NRG3: variants seen among roughly 807,000 people sequenced by gnomAD.
The protein encoded by NRG3 is neuregulin 3.
Under a neutral mutation model 66.9 loss-of-function variants are expected in NRG3, and 31 were observed. The observed-to-expected ratio is 0.46, with a 90% CI of 0.35 to 0.63. NRG3 has a LOEUF of 0.63. NRG3 is among the 20% of genes least tolerant of loss of function. The pLI is 0.00. For synonymous variants in NRG3, 393 were observed against 359.4 expected, an observed-to-expected ratio of 1.09 and a Z score of -1.06; for missense variants, 910 against 878.9, an observed-to-expected ratio of 1.04 and a Z score of -0.45.
intron 1 of NRG3, among the ~76,000 whole-genome samples, chr10:81,994,539 GCTT>G (rs2060859131): frequency 6.8e-6 from 1 of 146,688 alleles, no homozygotes; most frequent in Non-Finnish European, 1.5e-5. Context: ...GCCTTTAACT[GCTT>G]TTTTTTTTCC....
intron 2 of NRG3, among the ~76,000 whole-genome samples, chr10:82,578,323 A>G (rs2046154035): frequency 8.1e-6 from 1 of 123,408 alleles, no homozygotes; most frequent in Non-Finnish European, 1.8e-5. Flanking sequence ...CTGATCATTG[A>G]TATTTTAGCC....
At chr10:82,047,911 A>T (rs1445703911) in intron 1 of NRG3, among the ~76,000 whole-genome samples, 1 of 152,124 alleles carries the variant, frequency 6.6e-6, no homozygotes, top group African/African-American at 2.4e-5. Context: ...AAGATCTACC[A>T]AGCAAATGGA....
chr10:82,731,138 A>C (rs1170006925), intron 2 of NRG3, among the ~76,000 whole-genome samples: 2 of 152,076 alleles, frequency 1.3e-5, no homozygotes, highest in African/African-American at 4.8e-5. Flanking sequence ...AGGCTGAGGC[A>C]GGCGGATAAC....
intron 1 of NRG3, among the ~76,000 whole-genome samples, chr10:82,314,301 C>G (rs1032719913): frequency 2.0e-5 from 3 of 152,134 alleles, no homozygotes; most frequent in Admixed American, 2.0e-4. Flanking sequence ...ATTCTAACCA[C>G]ATTTCCTCAT....
intron 1 of NRG3, among the ~76,000 whole-genome samples, chr10:82,146,456 A>G (rs997060691): frequency 2.0e-5 from 3 of 151,156 alleles, no homozygotes; most frequent in African/African-American, 7.3e-5. Flanking sequence ...GGGCTCAGTC[A>G]TTCAAGAAGT....
chr10:82,516,516 T>A (rs1045995362), intron 2 of NRG3, among the ~76,000 whole-genome samples: 2 of 152,130 alleles, frequency 1.3e-5, no homozygotes, highest in African/African-American at 4.8e-5. Context: ...AAATAATGCA[T>A]AATGACCTTT....
At chr10:82,804,789 T>C (rs939568423) in intron 3 of NRG3, among the ~76,000 whole-genome samples, 12 of 152,166 alleles carry the variant, frequency 7.9e-5, no homozygotes, top group African/African-American at 2.9e-4. Flanking sequence ...ACGGTCAAAA[T>C]TGACGCTATT....
At chr10:82,626,558 C>G (rs969765026) in intron 2 of NRG3, among the ~76,000 whole-genome samples, 10 of 152,088 alleles carry the variant, frequency 6.6e-5, no homozygotes, top group African/African-American at 2.4e-4. Context: ...GATTTCTTCT[C>G]TTGGGGGTAA....
At chr10:82,543,951 T>A (rs934492483) in intron 2 of NRG3, among the ~76,000 whole-genome samples, 1 of 152,208 alleles carries the variant, frequency 6.6e-6, no homozygotes, top group Non-Finnish European at 1.5e-5. Flanking sequence ...TGAGAAATTG[T>A]CAAGGGAGTC....
intron 1 of NRG3, among the ~76,000 whole-genome samples, chr10:82,240,698 A>G (rs1238123026): frequency 6.6e-6 from 1 of 152,166 alleles, no homozygotes; most frequent in Non-Finnish European, 1.5e-5. Context: ...TGAAAGTTCA[A>G]TAGATTTGGA....
chr10:82,240,860 C>A (rs1284065748), intron 1 of NRG3, among the ~76,000 whole-genome samples: 1 of 151,940 alleles, frequency 6.6e-6, no homozygotes, highest in East Asian at 1.9e-4. Context: ...TTGTGGAGGT[C>A]ATTTTATTTT....
intron 1 of NRG3, among the ~76,000 whole-genome samples, chr10:81,981,445 C>T (rs1254815996): frequency 2.0e-5 from 3 of 152,210 alleles, no homozygotes; most frequent in Non-Finnish European, 2.9e-5. Context: ...GCCCTGCGCT[C>T]CAGGCCCACT....
chr10:82,433,871 G>A (rs1466107049), intron 2 of NRG3, among the ~76,000 whole-genome samples: 1 of 152,160 alleles, frequency 6.6e-6, no homozygotes, highest in African/African-American at 2.4e-5. Context: ...ATAGTTTGAA[G>A]TCAGATAGCA....
At chr10:82,280,867 A>G (rs2079087065) in intron 1 of NRG3, among the ~76,000 whole-genome samples, 1 of 152,198 alleles carries the variant, frequency 6.6e-6, no homozygotes. Flanking sequence ...TCCAATGGCA[A>G]TCCATCCTGT....
chr10:82,154,288 A>G (rs1021860121), intron 1 of NRG3, among the ~76,000 whole-genome samples: 1 of 151,966 alleles, frequency 6.6e-6, no homozygotes, highest in Admixed American at 6.6e-5. Context: ...TCCTCTGCAT[A>G]TGGATATCCA....
chr10:81,953,854 A>G (rs979679354), intron 1 of NRG3, among the ~76,000 whole-genome samples: 1 of 152,186 alleles, frequency 6.6e-6, no homozygotes, highest in Non-Finnish European at 1.5e-5. Context: ...TCTAAGCAGG[A>G]AGATACTGAC....
chr10:82,631,204 G>A (rs1276553978), intron 2 of NRG3, among the ~76,000 whole-genome samples: 1 of 152,106 alleles, frequency 6.6e-6, no homozygotes, highest in Non-Finnish European at 1.5e-5. Context: ...GTGGGAAGGA[G>A]GTAGAAATGT....
chr10:81,936,321 A>G (rs1425401801), intron 1 of NRG3, among the ~76,000 whole-genome samples: 2 of 152,114 alleles, frequency 1.3e-5, no homozygotes, highest in African/African-American at 4.8e-5. Context: ...AGTGAACCAA[A>G]CTGTGATTGG....
chr10:82,724,735 G>A (rs1213120841), intron 2 of NRG3, among the ~76,000 whole-genome samples: 1 of 152,138 alleles, frequency 6.6e-6, no homozygotes, highest in Non-Finnish European at 1.5e-5. Context: ...CCCTTTTTTA[G>A]AGAGACAATA....
Sources: allele counts gnomAD v4.1 joint callset (sites outside exome capture counted in the v4.1 genomes callset), GRCh38; gene constraint gnomAD v4.1.1; transcripts MANE v1.5; gene names NCBI Gene and HGNC (gene_info 2026-07-23, HGNC 2026-07-21).